FKTN: variants seen among roughly 807,000 people sequenced by gnomAD.
FKTN encodes fukutin, also known as ribitol-5-phosphate transferase FKTN.
A neutral mutation model predicts 58.6 loss-of-function variants in FKTN; 47 were observed. The observed-to-expected ratio is 0.80, with a 90% CI of 0.63 to 1.02. The LOEUF is 1.02. Ranked by LOEUF, FKTN falls within the 50% of genes least tolerant of loss-of-function variation. FKTN has a pLI of 0.00. For missense variants in FKTN, 516 were observed against 537.3 expected, an observed-to-expected ratio of 0.96 and a Z score of 0.39; for synonymous variants, 178 against 191.9, an observed-to-expected ratio of 0.93 and a Z score of 0.60.
chr9:105,587,422 A>C (rs1316962498), intron 3 of FKTN, among the ~76,000 whole-genome samples: 2 of 152,216 alleles, frequency 1.3e-5, no homozygotes, highest in East Asian at 1.9e-4. Context: ...CATTTAGATC[A>C]TGTGCAACAA....
chr9:105,605,114 CTATTAT>C (rs1047162288), intron 6 of FKTN, among the ~76,000 whole-genome samples: 4 of 151,810 alleles, frequency 2.6e-5, no homozygotes, highest in African/African-American at 7.3e-5. Context: ...AATCTAAATT[CTATTAT>C]TATTATTATT....
chr9:105,560,474 C>T (rs537762576), intron 1 of FKTN, among the ~76,000 whole-genome samples: 1 of 152,210 alleles, frequency 6.6e-6, no homozygotes, highest in African/African-American at 2.4e-5. Context: ...ATCTGTTTCT[C>T]CTAGGATAAA....
chr9:105,567,972 C>T (rs1019065842), intron 1 of FKTN, among the ~76,000 whole-genome samples: 4 of 152,176 alleles, frequency 2.6e-5, no homozygotes, highest in Admixed American at 2.6e-4. Flanking sequence ...GAACGGAGCC[C>T]TCAGAAGTAA....
At position 105,635,043 on chromosome 9, in the gene FKTN, T is replaced by C. The variant is rs767093535; in HGVS notation, c.1173-8T>C. On this transcript the variant is annotated splice_polypyrimidine_tract_variant and splice_region_variant and intron_variant, in intron 10 of 10. Transcript: ENST00000357998. ...CTGTTGAAGCCTAATCCCTCTGTTTTGCTGCAGATACCTGTTTCCGAAGTT... is the reference window on the plus strand; with the variant it reads ...CTGTTGAAGCCTAATCCCTCTGTTTCGCTGCAGATACCTGTTTCCGAAGTT... 8.7e-6 allele frequency: 14 copies of C among 1,613,380 alleles called. No homozygotes were observed. In the East Asian group the frequency reaches 2.5e-4, roughly 28 times the overall value.
At chr9:105,561,404 C>T (rs965220983) in intron 1 of FKTN, among the ~76,000 whole-genome samples, 4 of 152,194 alleles carry the variant, frequency 2.6e-5, no homozygotes, top group African/African-American at 9.6e-5. Flanking sequence ...TTAAAAAAAA[C>T]TTAGTTTTTT....
chr9:105,566,123 C>G (rs775523155), intron 1 of FKTN, among the ~76,000 whole-genome samples: 5 of 152,132 alleles, frequency 3.3e-5, no homozygotes, highest in Non-Finnish European at 7.3e-5. Context: ...CACAACATAC[C>G]AGAATCTCTG....
Position 105,637,163 on chromosome 9 carries a change from C to G in FKTN, c.*1899C>G, listed in dbSNP as rs1359677519. ...CTATTTTTGGGCAAAATCCACCCTACTTGATGAGGACCATTTGCTTGTGCT... is the reference window on the plus strand; with the variant it reads ...CTATTTTTGGGCAAAATCCACCCTAGTTGATGAGGACCATTTGCTTGTGCT... On this transcript the variant is annotated 3_prime_UTR_variant, in exon 11 of 11. Transcript: ENST00000357998. 3 of 985,160 alleles carry G rather than the reference C, an allele frequency of 3.0e-6. No individual in the cohort carries two copies. The highest frequency in any genetic ancestry group is 3.6e-6 in the Non-Finnish European group (3 of 829,180). The allele number at this position is 985,160 out of a possible 1,614,324, so 61.0% of individuals were successfully genotyped here.
In FKTN at chr9:105,635,884, A is replaced by G; in HGVS notation, c.*620A>G. On this transcript the variant is annotated 3_prime_UTR_variant, in exon 11 of 11. Transcript: ENST00000357998. Reference sequence around the variant, plus strand: ...TGAGAGCTTATTTGTATCAGAGCTTATTACTTGTCAGGATAAGTAAATTTC... The same window carrying G: ...TGAGAGCTTATTTGTATCAGAGCTTGTTACTTGTCAGGATAAGTAAATTTC... 1 of 989,744 alleles carries G rather than the reference A, an allele frequency of 1.0e-6. No homozygotes were observed. Among genetic ancestry groups the G allele is most frequent in the South Asian group, 4.6e-5 (1 of 21,822 alleles). The allele number at this position is 989,744 out of a possible 1,614,324, so 61.3% of individuals were successfully genotyped here. A position where few individuals can be genotyped will look rare whatever the true frequency, so the allele number is the denominator to read the frequency against.
chr9:105,560,987 T>C (rs1036125837), intron 1 of FKTN, among the ~76,000 whole-genome samples: 7 of 151,926 alleles, frequency 4.6e-5, no homozygotes, highest in African/African-American at 1.7e-4. Flanking sequence ...CTCGGGAGGC[T>C]GAGGTAGGAG....
intron 1 of FKTN, among the ~76,000 whole-genome samples, chr9:105,564,139 C>T (rs1444548117): frequency 1.3e-5 from 2 of 152,166 alleles, no homozygotes; most frequent in Non-Finnish European, 2.9e-5. Context: ...CACATCAAAA[C>T]CCATTTGTAC....
intron 10 of FKTN, among the ~76,000 whole-genome samples, chr9:105,624,006 G>A (rs761344382): frequency 5.3e-5 from 8 of 152,030 alleles, no homozygotes; most frequent in Non-Finnish European, 7.4e-5. Flanking sequence ...ATCTGTATAC[G>A]TAAAGTAAAA....
At chr9:105,578,789 C>A (rs886759659) in intron 3 of FKTN, among the ~76,000 whole-genome samples, 1 of 151,548 alleles carries the variant, frequency 6.6e-6, no homozygotes, top group Non-Finnish European at 1.5e-5. Context: ...GGCTGTGAAT[C>A]CATCTGGTCC....
chr9:105,589,221 G>A (rs980355354), intron 3 of FKTN, among the ~76,000 whole-genome samples: 24 of 152,150 alleles, frequency 1.6e-4, no homozygotes, highest in Non-Finnish European at 1.5e-5. Flanking sequence ...CCGACGGCTG[G>A]GCACAGTGGC....
chr9:105,583,013 G>T (rs901310049), intron 3 of FKTN, among the ~76,000 whole-genome samples: 1 of 152,182 alleles, frequency 6.6e-6, no homozygotes, highest in African/African-American at 2.4e-5. Context: ...GATCTAGCAG[G>T]CTTCTAGTTT....
intron 3 of FKTN, among the ~76,000 whole-genome samples, chr9:105,583,558 A>G (rs992966284): frequency 6.6e-6 from 1 of 152,080 alleles, no homozygotes; most frequent in East Asian, 1.9e-4. Context: ...TATGTTCCTG[A>G]TGATGTTGTC....
At chr9:105,612,651 T>C (rs1830142919) in intron 7 of FKTN, among the ~76,000 whole-genome samples, 1 of 152,220 alleles carries the variant, frequency 6.6e-6, no homozygotes, top group Non-Finnish European at 1.5e-5. Flanking sequence ...CTTTAACACA[T>C]ACAAGGATCA....
At position 105,637,135 on chromosome 9, in the gene FKTN, A is replaced by G. The variant is rs1425595902; in HGVS notation, c.*1871A>G. ...CTTAAAAATAATAGAACAAATAATA[A>G]TACTATTTTTGGGCAAAATCCACCC... On this transcript the variant is annotated 3_prime_UTR_variant, in exon 11 of 11. Transcript: ENST00000357998. 4 of 986,228 alleles carry G rather than the reference A, an allele frequency of 4.1e-6. No homozygotes were observed. The highest frequency in any genetic ancestry group is 3.6e-6 in the Non-Finnish European group (3 of 829,920). The allele number at this position is 986,228 out of a possible 1,614,324, so 61.1% of individuals were successfully genotyped here. A position where few individuals can be genotyped will look rare whatever the true frequency, so the allele number is the denominator to read the frequency against.
In FKTN at chr9:105,584,611, A is replaced by G. The variant is rs1304088230; in HGVS notation, c.105+9474A>G. Among the ~76,000 whole-genome samples the G allele has an allele frequency of 4.6e-5, 7 of 151,242 alleles. No individual in the cohort carries two copies. The East Asian group carries it at 9.7e-4, about 21-fold the overall frequency. Reference sequence around the variant, plus strand: ...GAGGTGTGCAGATTGCTTGAGCCCAAGAGTTTGAAACCAGCCATGGCACCA... The same window carrying G: ...GAGGTGTGCAGATTGCTTGAGCCCAGGAGTTTGAAACCAGCCATGGCACCA... On this transcript the variant is annotated intron_variant, in intron 3 of 10. Transcript: ENST00000357998.
chr9:105,617,863 A>G, intron 8 of FKTN, 96 bp from the exon 9 acceptor site: 1 of 862,562 alleles, frequency 1.2e-6, no homozygotes, highest in Non-Finnish European at 1.8e-6. Context: ...TCTTTAAAAA[A>G]AAAGAAAAAA....
Sources: gnomAD v4.1 joint callset for allele counts (sites outside exome capture counted in the v4.1 genomes callset) on GRCh38, gnomAD v4.1.1 for gene constraint, MANE v1.5 for transcripts, NCBI Gene and HGNC (gene_info 2026-07-23, HGNC 2026-07-21) for gene names.